The following PRDM5 variants were observed in gnomAD, a reference collection of about 807,000 sequenced individuals.
PRDM5 encodes the protein PR domain zinc finger protein 5.
Under a neutral mutation model 81.2 loss-of-function variants are expected in PRDM5, and 56 were observed. The ratio of observed to expected loss-of-function variants is 0.69; its 90% confidence interval spans 0.56 to 0.86. PRDM5 has a LOEUF of 0.86. Among genes scored for constraint, PRDM5 ranks in the 40% least tolerant of loss-of-function variants. The pLI is 0.00. For synonymous variants in PRDM5, 267 were observed against 256.4 expected, an observed-to-expected ratio of 1.04 and a Z score of -0.39; for missense variants, 697 against 770.1, an observed-to-expected ratio of 0.91 and a Z score of 1.12.
chr4:120,860,415 G>T (rs1162014276), intron 2 of PRDM5, among the ~76,000 whole-genome samples: 2 of 151,760 alleles, frequency 1.3e-5, no homozygotes, highest in Non-Finnish European at 2.9e-5. Flanking sequence ...ATAAATACCT[G>T]ACAAAAAATG....
intron 2 of PRDM5, among the ~76,000 whole-genome samples, chr4:120,905,253 C>A (rs924518493): frequency 2.6e-5 from 4 of 152,164 alleles, no homozygotes; most frequent in African/African-American, 9.7e-5. Context: ...CCACTCCTCA[C>A]CCCCAGCAGT....
At chr4:120,830,828 A>G (rs1756625844) in intron 3 of PRDM5, among the ~76,000 whole-genome samples, 1 of 151,824 alleles carries the variant, frequency 6.6e-6, no homozygotes, top group Admixed American at 6.6e-5. Context: ...TAAAAACAGA[A>G]TACTATATTA....
chr4:120,829,077 C>T (rs1218197739), intron 3 of PRDM5, among the ~76,000 whole-genome samples: 2 of 152,026 alleles, frequency 1.3e-5, no homozygotes, highest in African/African-American at 4.8e-5. Flanking sequence ...TCAGACCTCA[C>T]CCTACTAAAG....
chr4:120,815,618 A>G (rs1754383384), intron 7 of PRDM5, among the ~76,000 whole-genome samples: 1 of 152,230 alleles, frequency 6.6e-6, no homozygotes, highest in Non-Finnish European at 1.5e-5. Context: ...CTGAAGGGAG[A>G]AAAGAAATCC....
intron 14 of PRDM5, among the ~76,000 whole-genome samples, chr4:120,742,967 C>A (rs899880151): frequency 6.6e-6 from 1 of 151,848 alleles, no homozygotes; most frequent in Non-Finnish European, 1.5e-5. Context: ...AACTCCAAGA[C>A]ACATAATTGT....
chr4:120,739,291 T>G (rs1329569095), intron 14 of PRDM5, among the ~76,000 whole-genome samples: 1 of 152,190 alleles, frequency 6.6e-6, no homozygotes, highest in African/African-American at 2.4e-5. Flanking sequence ...GAAACTGGAC[T>G]GTACTTCTTA....
chr4:120,922,503 C>T lies in PRDM5; in HGVS notation c.93+13G>A. On this transcript the variant is annotated intron_variant, in intron 1 of 15. Coordinates refer to ENST00000264808, the MANE Select transcript of PRDM5 (RefSeq NM_018699.4). ...AGGTGCAGGGGCGCGCAGGCCGCCG[C>T]CGGGTCACCCACCTTTCGCACTCTG... 1.3e-6 allele frequency: 2 copies of T among 1,590,216 alleles called. No individual in the cohort carries two copies. The highest frequency in any genetic ancestry group is 8.5e-7 in the Non-Finnish European group (1 of 1,169,768).
chr4:120,742,930 G>A (rs890394357), intron 14 of PRDM5, among the ~76,000 whole-genome samples: 1 of 152,038 alleles, frequency 6.6e-6, no homozygotes, highest in Admixed American at 6.6e-5. Flanking sequence ...TACAGAGAAT[G>A]CCACAAAGAT....
At chr4:120,688,190 A>G (rs1733905759), downstream of PRDM5, among the ~76,000 whole-genome samples, 1 of 151,406 alleles carries the variant, frequency 6.6e-6, no homozygotes, top group African/African-American at 2.4e-5. Context: ...GTGTGAGGTG[A>G]CACTTCATAG....
chr4:120,757,223 T>C (rs1224320297), intron 13 of PRDM5, among the ~76,000 whole-genome samples: 1 of 152,234 alleles, frequency 6.6e-6, no homozygotes, highest in African/African-American at 2.4e-5. Context: ...GTCCATAGAC[T>C]TAAAAAGGCT....
Position 120,693,675 on chromosome 4 carries a change from C to G in PRDM5, c.*1436G>C, listed in dbSNP as rs752872246. On this transcript the variant is annotated 3_prime_UTR_variant, in exon 16 of 16. Transcript: ENST00000264808. ...TGAATATAATTCTAAAATGAGATTC[C>G]TGAAGTCAAAGAACTGTGTCTCAGA... 2.6e-5 allele frequency: 4 copies of G among 151,982 alleles called. No homozygotes were observed. Among genetic ancestry groups the G allele is most frequent in the Non-Finnish European group, 5.9e-5 (4 of 67,992 alleles). 9.4% of individuals were successfully genotyped at this position (151,982 alleles called of 1,614,324 possible). A position where few individuals can be genotyped will look rare whatever the true frequency, so the allele number is the denominator to read the frequency against.
At chr4:120,821,982 T>A (rs544893199) in intron 3 of PRDM5, among the ~76,000 whole-genome samples, 1 of 147,388 alleles carries the variant, frequency 6.8e-6, no homozygotes, top group East Asian at 2.0e-4. Context: ...CATCAACATA[T>A]CAAGATATTT....
intron 14 of PRDM5, among the ~76,000 whole-genome samples, chr4:120,745,045 A>G (rs1742770727): frequency 6.7e-6 from 1 of 148,330 alleles, no homozygotes; most frequent in Non-Finnish European, 1.5e-5. Flanking sequence ...AAATACTGGC[A>G]AACCGAATCC....
chr4:120,793,672 G>A (rs1378995051), intron 10 of PRDM5, among the ~76,000 whole-genome samples: 1 of 152,050 alleles, frequency 6.6e-6, no homozygotes, highest in African/African-American at 2.4e-5. Context: ...GTATCTATAT[G>A]GTGTATGACA....
intron 2 of PRDM5, among the ~76,000 whole-genome samples, chr4:120,899,318 T>C (rs1213843276): frequency 2.6e-5 from 4 of 152,172 alleles, no homozygotes; most frequent in African/African-American, 7.2e-5. Flanking sequence ...GTGCTCTCTG[T>C]TATCCTCCAC....
chr4:120,704,550 C>T (rs1050685430), intron 15 of PRDM5, among the ~76,000 whole-genome samples: 12 of 152,170 alleles, frequency 7.9e-5, no homozygotes, highest in Non-Finnish European at 1.5e-4. Flanking sequence ...CACCTAAATT[C>T]TAGATAAGTA....
At chr4:120,708,191 T>C (rs906042113) in intron 15 of PRDM5, among the ~76,000 whole-genome samples, 6 of 152,108 alleles carry the variant, frequency 3.9e-5, no homozygotes, top group Non-Finnish European at 7.4e-5. Context: ...AATACTTGTA[T>C]GCCCATGTTC....
chr4:120,891,601 A>G (rs1471930785), intron 2 of PRDM5, among the ~76,000 whole-genome samples: 1 of 151,918 alleles, frequency 6.6e-6, no homozygotes, highest in Non-Finnish European at 1.5e-5. Flanking sequence ...TTGTTTCTCT[A>G]GTTTTTCTAG....
intron 13 of PRDM5, among the ~76,000 whole-genome samples, chr4:120,758,998 A>G (rs1404525318): frequency 6.6e-6 from 1 of 151,786 alleles, no homozygotes; most frequent in African/African-American, 2.4e-5. Context: ...CTCGTCATCC[A>G]CCCACCTCAA....
Sources: gnomAD v4.1 joint callset for allele counts (sites outside exome capture counted in the v4.1 genomes callset) on GRCh38, gnomAD v4.1.1 for gene constraint, MANE v1.5 for transcripts, NCBI Gene and HGNC (gene_info 2026-07-23, HGNC 2026-07-21) for gene names.